PCSK2: variants seen among roughly 807,000 people sequenced by gnomAD.
The protein encoded by PCSK2 is neuroendocrine convertase 2.
A neutral mutation model predicts 69.7 loss-of-function variants in PCSK2; 14 were observed. That is an observed-to-expected ratio of 0.20 (90% CI 0.13 to 0.31). PCSK2 has a LOEUF of 0.31. Among genes scored for constraint, PCSK2 ranks in the 10% least tolerant of loss-of-function variants. The pLI is 1.00. For missense variants in PCSK2, 544 were observed against 842.5 expected, an observed-to-expected ratio of 0.65 and a Z score of 4.39; for synonymous variants, 307 against 320.7, an observed-to-expected ratio of 0.96 and a Z score of 0.46.
chr20:17,326,791 A>C (rs1318805600), intron 2 of PCSK2, among the ~76,000 whole-genome samples: 6 of 152,174 alleles, frequency 3.9e-5, no homozygotes, highest in Non-Finnish European at 7.3e-5. Context: ...TGGGACTCTG[A>C]GACAAAGGAT....
At chr20:17,420,961 G>A (rs1156544741) in intron 6 of PCSK2, among the ~76,000 whole-genome samples, 2 of 152,156 alleles carry the variant, frequency 1.3e-5, no homozygotes, top group Non-Finnish European at 2.9e-5. Context: ...GATTTCTACA[G>A]GAGCTAAGTC....
At chr20:17,237,212 T>C (rs1986376219) in intron 1 of PCSK2, among the ~76,000 whole-genome samples, 1 of 152,144 alleles carries the variant, frequency 6.6e-6, no homozygotes, top group Non-Finnish European at 1.5e-5. Context: ...GAGTGGGATA[T>C]TGAAGCTCAA....
At chr20:17,445,735 G>A (rs1329727095) in intron 8 of PCSK2, among the ~76,000 whole-genome samples, 2 of 152,252 alleles carry the variant, frequency 1.3e-5, no homozygotes, top group African/African-American at 4.8e-5. Flanking sequence ...CTGCCAAGGA[G>A]CTCTCACGAA....
intron 2 of PCSK2, among the ~76,000 whole-genome samples, chr20:17,270,371 G>A (rs1987814371): frequency 6.6e-6 from 1 of 152,072 alleles, no homozygotes; most frequent in Non-Finnish European, 1.5e-5. Flanking sequence ...TTGAATTCCT[G>A]CCATTTCCAG....
At chr20:17,377,698 T>C (rs2030966768) in intron 5 of PCSK2, among the ~76,000 whole-genome samples, 1 of 152,250 alleles carries the variant, frequency 6.6e-6, no homozygotes, top group Non-Finnish European at 1.5e-5. Flanking sequence ...GATGAGCACT[T>C]TAGCACCAGA....
At chr20:17,305,715 T>C (rs1444024056) in intron 2 of PCSK2, among the ~76,000 whole-genome samples, 1 of 152,194 alleles carries the variant, frequency 6.6e-6, no homozygotes. Context: ...AAATGTCTTA[T>C]TTTCCTTATG....
intron 7 of PCSK2, among the ~76,000 whole-genome samples, chr20:17,430,734 C>T (rs1392262583): frequency 6.6e-6 from 1 of 152,160 alleles, no homozygotes; most frequent in Non-Finnish European, 1.5e-5. Flanking sequence ...ATTTTATAAG[C>T]CAGGCTCAGA....
intron 5 of PCSK2, among the ~76,000 whole-genome samples, chr20:17,382,118 G>A (rs113219054): frequency 3.9e-5 from 6 of 152,048 alleles, no homozygotes; most frequent in African/African-American, 7.2e-5. Context: ...CTCTCCTCCC[G>A]TGGAGAGTTG....
chr20:17,304,950 C>T (rs1288521824), intron 2 of PCSK2, among the ~76,000 whole-genome samples: 16 of 152,152 alleles, frequency 1.1e-4, no homozygotes, highest in Admixed American at 9.8e-4. Flanking sequence ...TACGGTTAAG[C>T]CCACCTCAGC....
intron 2 of PCSK2, among the ~76,000 whole-genome samples, chr20:17,297,465 G>A (rs889546646): frequency 1.8e-4 from 27 of 152,190 alleles, no homozygotes; most frequent in African/African-American, 6.5e-4. Context: ...GACTTATCAT[G>A]AATGGATCCA....
chr20:17,471,120 C>G (rs1024386912), intron 11 of PCSK2, among the ~76,000 whole-genome samples: 3 of 151,976 alleles, frequency 2.0e-5, no homozygotes, highest in Non-Finnish European at 1.5e-5. Flanking sequence ...AGGGGAGCAC[C>G]GCGGGAGAGA....
At chr20:17,316,611 G>T (rs1989697134) in intron 2 of PCSK2, among the ~76,000 whole-genome samples, 1 of 152,020 alleles carries the variant, frequency 6.6e-6, no homozygotes, top group Non-Finnish European at 1.5e-5. Flanking sequence ...TCCTTTTCCA[G>T]GATTCAGGAT....
intron 2 of PCSK2, among the ~76,000 whole-genome samples, chr20:17,319,620 G>C (rs1004384609): frequency 6.6e-6 from 1 of 152,062 alleles, no homozygotes; most frequent in African/African-American, 2.4e-5. Context: ...ACTGGCAAAA[G>C]CAAGTCACTT....
At chr20:17,415,764 G>C (rs546597250) in intron 6 of PCSK2, among the ~76,000 whole-genome samples, 3 of 152,118 alleles carry the variant, frequency 2.0e-5, no homozygotes, top group African/African-American at 7.2e-5. Flanking sequence ...GAGGCATCAC[G>C]CTACCTGACT....
chr20:17,372,229 A>C (rs112108013), intron 5 of PCSK2, among the ~76,000 whole-genome samples: 4 of 152,038 alleles, frequency 2.6e-5, no homozygotes, highest in African/African-American at 9.6e-5. Flanking sequence ...AATACAAGAA[A>C]TTAGCCGGGC....
chr20:17,324,868 G>T (rs1049260338), intron 2 of PCSK2, among the ~76,000 whole-genome samples: 4 of 152,100 alleles, frequency 2.6e-5, no homozygotes, highest in Admixed American at 2.0e-4. Flanking sequence ...ATACTGGGTT[G>T]CCAGAAGACA....
chr20:17,360,349 A>T (rs1000189257), intron 3 of PCSK2, among the ~76,000 whole-genome samples, 183 bp from the exon 4 acceptor site: 2 of 151,706 alleles, frequency 1.3e-5, no homozygotes, highest in African/African-American at 4.8e-5. Context: ...AAAAAAAAAA[A>T]TGGAGAGGAA....
At chr20:17,480,524 A>G (rs1468104186) in intron 11 of PCSK2, among the ~76,000 whole-genome samples, 2 of 152,148 alleles carry the variant, frequency 1.3e-5, no homozygotes, top group Non-Finnish European at 2.9e-5. Flanking sequence ...CAGTCATATT[A>G]GCAACAGCTT....
intron 2 of PCSK2, among the ~76,000 whole-genome samples, chr20:17,323,376 A>G (rs543896994): frequency 4.6e-5 from 7 of 152,184 alleles, no homozygotes; most frequent in Non-Finnish European, 8.8e-5. Context: ...AAACATGCCA[A>G]CACCTTGATC....
Sources: gnomAD v4.1 joint callset for allele counts (sites outside exome capture counted in the v4.1 genomes callset) on GRCh38, gnomAD v4.1.1 for gene constraint, MANE v1.5 for transcripts, NCBI Gene and HGNC (gene_info 2026-07-23, HGNC 2026-07-21) for gene names.